PLEKHA2: variants seen among roughly 807,000 people sequenced by gnomAD.
PLEKHA2 encodes pleckstrin homology domain-containing family A member 2.
A neutral mutation model predicts 53.2 loss-of-function variants in PLEKHA2; 28 were observed. The observed-to-expected ratio is 0.53, with a 90% CI of 0.39 to 0.72. PLEKHA2 has a LOEUF of 0.72. Among genes scored for constraint, PLEKHA2 ranks in the 30% least tolerant of loss-of-function variants. The pLI is 0.00. For missense variants in PLEKHA2, 426 were observed against 537.9 expected (o/e 0.79, Z 2.06); for synonymous variants, 193 against 196.4 (o/e 0.98, Z 0.14).
chr8:38,965,038 T>G (rs1588279880), intron 10 of PLEKHA2, among the ~76,000 whole-genome samples: 1 of 152,280 alleles, frequency 6.6e-6, no homozygotes, highest in East Asian at 1.9e-4. Context: ...TTTTTTATTT[T>G]TCTACATTTA....
chr8:38,907,337 A>G (rs1204811231), intron 1 of PLEKHA2, among the ~76,000 whole-genome samples: 1 of 152,160 alleles, frequency 6.6e-6, no homozygotes, highest in Non-Finnish European at 1.5e-5. Flanking sequence ...TTATCTCAAA[A>G]ATGCTAAAGT....
chr8:38,909,808 A>G (rs897884435), intron 1 of PLEKHA2, among the ~76,000 whole-genome samples: 1 of 152,134 alleles, frequency 6.6e-6, no homozygotes, highest in Non-Finnish European at 1.5e-5. Context: ...TTAATGGGTG[A>G]CTCCATGCAA....
At chr8:38,948,194 C>G (rs767737643) in intron 5 of PLEKHA2, among the ~76,000 whole-genome samples, 1 of 151,868 alleles carries the variant, frequency 6.6e-6, no homozygotes, top group Non-Finnish European at 1.5e-5. Context: ...ATTTTAATCA[C>G]TAAATATCAA....
intron 2 of PLEKHA2, among the ~76,000 whole-genome samples, chr8:38,924,734 G>A (rs1834253990): frequency 6.6e-6 from 1 of 152,220 alleles, no homozygotes; most frequent in Non-Finnish European, 1.5e-5. Flanking sequence ...GAAGTCAGTG[G>A]CAACGTCTGC....
intron 2 of PLEKHA2, among the ~76,000 whole-genome samples, chr8:38,928,317 T>C (rs1298586443): frequency 6.7e-6 from 1 of 150,254 alleles, no homozygotes; most frequent in Non-Finnish European, 1.5e-5. Context: ...GGTGTGATCT[T>C]GGCTCACTGC....
chr8:38,951,017 G>T, intron 6 of PLEKHA2, 27 bp downstream of exon 6: 2 of 1,607,118 alleles, frequency 1.2e-6, no homozygotes, highest in Non-Finnish European at 1.7e-6. Flanking sequence ...GGGCTGCGGG[G>T]GGAGTGGGGG....
At chr8:38,909,987 C>T (rs1433445896) in intron 1 of PLEKHA2, among the ~76,000 whole-genome samples, 1 of 141,994 alleles carries the variant, frequency 7.0e-6, no homozygotes, top group Non-Finnish European at 1.5e-5. Flanking sequence ...GATGGAGTCT[C>T]ACTCTGTCAC....
chr8:38,919,533 G>C lies in PLEKHA2; in HGVS notation c.141+1463G>C, dbSNP rs1003109996. On this transcript the variant is annotated intron_variant, in intron 2 of 11. Transcript: ENST00000617275. Reference sequence around the variant, plus strand: ...GGATCTGGGATTTGGCTCTAGTTCCGAGGCTTGGGAAGAGGAAATTCTGAA... The same window carrying C: ...GGATCTGGGATTTGGCTCTAGTTCCCAGGCTTGGGAAGAGGAAATTCTGAA... Among the ~76,000 whole-genome samples the C allele has an allele frequency of 3.3e-5, 5 of 152,300 alleles. No individual in the cohort carries two copies. In the South Asian group the frequency reaches 1.0e-3, roughly 32 times the overall value.
intron 2 of PLEKHA2, among the ~76,000 whole-genome samples, chr8:38,930,254 T>G (rs1252050667): frequency 6.6e-6 from 1 of 152,074 alleles, no homozygotes. Context: ...CGGGCTGGAG[T>G]GCAGTGGCGC....
chr8:38,919,144 C>T (rs1834134953), intron 2 of PLEKHA2, among the ~76,000 whole-genome samples: 1 of 152,204 alleles, frequency 6.6e-6, no homozygotes, highest in Non-Finnish European at 1.5e-5. Flanking sequence ...TTGGAGGTCA[C>T]CCAGTTTTGT....
At chr8:38,928,384 G>A (rs1482159980) in intron 2 of PLEKHA2, among the ~76,000 whole-genome samples, 1 of 151,878 alleles carries the variant, frequency 6.6e-6, no homozygotes, top group Admixed American at 6.6e-5. Flanking sequence ...GGATACCTGG[G>A]ATTAAAGGTG....
At chr8:38,967,771 C>T (rs1229277740) in intron 10 of PLEKHA2, among the ~76,000 whole-genome samples, 1 of 151,752 alleles carries the variant, frequency 6.6e-6, no homozygotes, top group African/African-American at 2.4e-5. Flanking sequence ...AAGCAATTCT[C>T]CTGCCTCAGC....
intron 3 of PLEKHA2, among the ~76,000 whole-genome samples, chr8:38,939,860 AG>A (rs1304246587): frequency 1.3e-5 from 2 of 151,582 alleles, no homozygotes; most frequent in East Asian, 3.9e-4. Flanking sequence ...CTGAGGTGGG[AG>A]GATCGCTTGA....
chr8:38,930,661 T>TGGCACGGCATGGCAC (rs1834375664), intron 2 of PLEKHA2, among the ~76,000 whole-genome samples: 3 of 130,456 alleles, frequency 2.3e-5, no homozygotes, highest in Admixed American at 2.2e-4. Flanking sequence ...TGGCATGGCA[T>TGGCACGGCATGGCAC]GGCACGGCAT....
At chr8:38,957,198 T>C (rs1834957323) in intron 9 of PLEKHA2, 125 bp from the exon 10 acceptor site, 1 of 646,434 alleles carries the variant, frequency 1.5e-6, no homozygotes, top group East Asian at 2.7e-5. Context: ...GAAGGAAGAA[T>C]GGCTTGGAAC....
At chr8:38,952,482 A>G (rs937551106) in intron 7 of PLEKHA2, among the ~76,000 whole-genome samples, 154 bp from the exon 8 acceptor site, 2 of 152,126 alleles carry the variant, frequency 1.3e-5, no homozygotes, top group African/African-American at 4.8e-5. Flanking sequence ...CACCTGTCAG[A>G]GGTGTTGCCC....
At position 38,952,232 on chromosome 8, in the gene PLEKHA2, T is replaced by TA; in HGVS notation, c.554dup (p.Tyr185Ter). The TA allele has an allele frequency of 6.2e-7, 1 of 1,613,100 alleles. No homozygotes were observed. The highest frequency in any genetic ancestry group is 8.5e-7 in the Non-Finnish European group (1 of 1,179,642). ...CACCATCCTTCGAAGGTCTCAGAGT[T>TA]ACATCCCCACGTCAGGCTGCCGTGC... Reference protein sequence around the residue: ...SHTILRRSQSYIPTSGCRAST... With the variant: ...SHTILRRSQS The change falls in exon 7 of 12, where the codon TAC (tyrosine) becomes TAAC (stop). Residue 185 changes from tyrosine (Y) to a stop codon, truncating the protein, a stop_gained and frameshift_variant. Transcript: ENST00000617275. LOFTEE classifies it high-confidence loss of function.
chr8:38,910,516 A>G (rs1833939920), intron 1 of PLEKHA2, among the ~76,000 whole-genome samples: 1 of 152,258 alleles, frequency 6.6e-6, no homozygotes, highest in Admixed American at 6.5e-5. Flanking sequence ...TATGTATTTG[A>G]AACCACCAAT....
intron 9 of PLEKHA2, among the ~76,000 whole-genome samples, chr8:38,955,802 A>G (rs1199608796): frequency 2.0e-5 from 3 of 152,074 alleles, no homozygotes; most frequent in Non-Finnish European, 4.4e-5. Flanking sequence ...CTGATGGTAC[A>G]GTTTTGCTTC....
Sources: gnomAD v4.1 joint callset for allele counts (sites outside exome capture counted in the v4.1 genomes callset) on GRCh38, gnomAD v4.1.1 for gene constraint, MANE v1.5 for transcripts, NCBI Gene and HGNC (gene_info 2026-07-23, HGNC 2026-07-21) for gene names.